Variants in ACTR3 observed in about 807,000 individuals in gnomAD.
ACTR3 encodes the protein actin related protein 3, also known as actin-related protein 3.
In ACTR3, 12 loss-of-function variants were observed where a neutral mutation model predicts 56.8. The observed-to-expected ratio is 0.21, with a 90% CI of 0.14 to 0.34. The LOEUF is 0.34. Ranked by LOEUF, ACTR3 falls within the 10% of genes least tolerant of loss-of-function variation. ACTR3 has a pLI of 1.00. For missense variants in ACTR3, 282 were observed against 512.5 expected (o/e 0.55, Z 4.34); for synonymous variants, 162 against 167.4 (o/e 0.97, Z 0.25).
At chr2:113,903,451 C>T (rs1283852167) in intron 1 of ACTR3, among the ~76,000 whole-genome samples, 1 of 152,036 alleles carries the variant, frequency 6.6e-6, no homozygotes, top group African/African-American at 2.4e-5. Flanking sequence ...ACTGCAACCT[C>T]TGTCTCCCAG....
At chr2:113,925,224 CTT>C (rs1229593419) in intron 3 of ACTR3, among the ~76,000 whole-genome samples, 8 of 104,178 alleles carry the variant, frequency 7.7e-5, no homozygotes, top group African/African-American at 3.2e-4. Context: ...GAGACAGAGT[CTT>C]ACTCTATCGC....
Position 113,951,823 on chromosome 2 carries a change from A to G in ACTR3, c.1055A>G (p.Glu352Gly). ...GATGCCCGGCTGAAATTAAGTGAGG[A>G]ATTGAGTGGTGGTAGATTGAAGGTT... ...TVDARLKLSE[E>G]LSGGRLKPKP... The change falls in exon 10 of 12, where the codon GAA becomes GGA. Residue 352 changes from glutamate to glycine, a missense_variant. Transcript: ENST00000263238. 6.2e-7 allele frequency: 1 copy of G among 1,613,424 alleles called. No individual in the cohort carries two copies. The highest frequency in any genetic ancestry group is 2.2e-5 in the East Asian group (1 of 44,862).
At chr2:113,935,460 T>C (rs1431777501) in intron 6 of ACTR3, among the ~76,000 whole-genome samples, 2 of 152,222 alleles carry the variant, frequency 1.3e-5, no homozygotes, top group Non-Finnish European at 2.9e-5. Context: ...AGTTAAACAC[T>C]GTGGTCTTTT....
chr2:113,939,886 G>C, intron 6 of ACTR3, 73 bp from the exon 7 acceptor site: 1 of 1,399,444 alleles, frequency 7.1e-7, no homozygotes. Context: ...GGTCTTTATT[G>C]GTTCATATTT....
At chr2:113,891,295 A>G (rs564269584) in intron 1 of ACTR3, among the ~76,000 whole-genome samples, 2 of 152,336 alleles carry the variant, frequency 1.3e-5, no homozygotes, top group African/African-American at 4.8e-5. Context: ...TCTTGAAGGA[A>G]GCAGGAAGGT....
At position 113,927,460 on chromosome 2, in the gene ACTR3, GT is replaced by G; in HGVS notation, c.336+7del. On this transcript the variant is annotated splice_donor_region_variant and intron_variant, in intron 4 of 11. Transcript: ENST00000263238. ...GAAGACCATTATTTTCTTTTGGTAA[GT>G]TACAAGTTATAATTTCACTGAGGAA... The G allele has an allele frequency of 1.9e-6, 3 of 1,567,106 alleles. No individual in the cohort carries two copies. The highest frequency in any genetic ancestry group is 2.6e-6 in the Non-Finnish European group (3 of 1,153,716).
At chr2:113,939,879 C>T in intron 6 of ACTR3, 80 bp from the exon 7 acceptor site, 1 of 1,319,000 alleles carries the variant, frequency 7.6e-7, no homozygotes, top group South Asian at 1.5e-5. Flanking sequence ...ATAAATTGGT[C>T]TTTATTGGTT....
At chr2:113,940,967 C>T (rs909391248) in intron 7 of ACTR3, among the ~76,000 whole-genome samples, 14 of 151,890 alleles carry the variant, frequency 9.2e-5, no homozygotes, top group Non-Finnish European at 2.1e-4. Flanking sequence ...ACTGCAGATG[C>T]ATATCACCAT....
intron 1 of ACTR3, among the ~76,000 whole-genome samples, chr2:113,906,481 TTC>T (rs1186846236): frequency 6.6e-6 from 1 of 152,166 alleles, no homozygotes; most frequent in Non-Finnish European, 1.5e-5. Flanking sequence ...GATGAAGTTT[TTC>T]TCTTTTTTTC....
chr2:113,955,773 C>T lies in ACTR3; in HGVS notation c.1161+67C>T, dbSNP rs574759590. On this transcript the variant is annotated intron_variant, in intron 11 of 11. Coordinates refer to ENST00000263238, the MANE Select transcript of ACTR3 (RefSeq NM_005721.5). ...TTATTTTATTTATTTTTGAGGTGGA[C>T]TTTCGCTCTTGTCACCCAGGCTGGA... 22 of 1,307,700 alleles carry T rather than the reference C, an allele frequency of 1.7e-5. No individual in the cohort carries two copies. In the African/African-American group the frequency reaches 2.1e-4, roughly 12 times the overall value. 81.0% of individuals were successfully genotyped at this position (1,307,700 alleles called of 1,614,324 possible). A position where few individuals can be genotyped will look rare whatever the true frequency, so the allele number is the denominator to read the frequency against.
chr2:113,911,729 A>G (rs1309766502), intron 1 of ACTR3, among the ~76,000 whole-genome samples: 1 of 151,304 alleles, frequency 6.6e-6, no homozygotes, highest in Non-Finnish European at 1.5e-5. Flanking sequence ...CCCCAAAGAT[A>G]TTGTTTATTT....
intron 1 of ACTR3, among the ~76,000 whole-genome samples, chr2:113,907,138 T>C (rs761694822): frequency 7.2e-5 from 11 of 152,210 alleles, no homozygotes; most frequent in Non-Finnish European, 1.3e-4. Flanking sequence ...TTAAACTTAT[T>C]TTTAAAGCTT....
chr2:113,957,424 G>A lies in ACTR3; in HGVS notation c.1226G>A (p.Arg409His). The A allele has an allele frequency of 1.2e-6, 2 of 1,613,174 alleles. No individual in the cohort carries two copies. The highest frequency in any genetic ancestry group is 1.7e-6 in the Non-Finnish European group (2 of 1,179,460). The stretch of plus-strand genomic sequence containing the variant: ...GAAGAAATTGGACCTAGCATTTGTC[G>A]TCACAATCCAGTGTTTGGAGTCATG... ...DYEEIGPSIC[R>H]HNPVFGVMS The change falls in exon 12 of 12, where the codon CGT becomes CAT. Residue 409 changes from arginine to histidine, a missense_variant. Coordinates refer to ENST00000263238, the MANE Select transcript of ACTR3 (RefSeq NM_005721.5).
intron 1 of ACTR3, among the ~76,000 whole-genome samples, chr2:113,912,780 A>G (rs1030748777): frequency 6.6e-6 from 1 of 152,218 alleles, no homozygotes; most frequent in African/African-American, 2.4e-5. Context: ...TCACTATACT[A>G]AGAGCTTCCT....
intron 7 of ACTR3, among the ~76,000 whole-genome samples, chr2:113,941,505 T>G (rs1299612230): frequency 6.6e-6 from 1 of 152,178 alleles, no homozygotes; most frequent in Non-Finnish European, 1.5e-5. Flanking sequence ...TGCATCTATC[T>G]TGGATGGTGC....
In ACTR3 at chr2:113,942,318, T is replaced by C. The variant is rs1340585554; in HGVS notation, c.817T>C (p.Tyr273His). Residue 273 changes from tyrosine (Y) to histidine (H), a missense_variant, in exon 8 of 12, where the codon TAT (tyrosine) becomes CAT (histidine). Coordinates refer to ENST00000263238, the MANE Select transcript of ACTR3 (RefSeq NM_005721.5). Reference sequence around the variant, plus strand: ...GAAAGAGTTTTCTATCGATGTTGGTTATGAGAGATTTTTGGGACCTGAAAT... The same window carrying C: ...GAAAGAGTTTTCTATCGATGTTGGTCATGAGAGATTTTTGGGACCTGAAAT... ...SKKEFSIDVG[Y>H]ERFLGPEIFF... is the part of the protein sequence containing the mutation. 4 of 1,591,250 alleles carry C rather than the reference T, an allele frequency of 2.5e-6. No homozygotes were observed. The highest frequency in any genetic ancestry group is 3.4e-6 in the Non-Finnish European group (4 of 1,172,566).
At chr2:113,905,723 A>G (rs1420319024) in intron 1 of ACTR3, among the ~76,000 whole-genome samples, 1 of 152,160 alleles carries the variant, frequency 6.6e-6, no homozygotes, top group African/African-American at 2.4e-5. Flanking sequence ...TGACTTTTCT[A>G]GGTACCTTCT....
In ACTR3 at chr2:113,955,839, C is replaced by G. The variant is rs1443441052; in HGVS notation, c.1161+133C>G. On this transcript the variant is annotated intron_variant, in intron 11 of 11. Coordinates refer to ENST00000263238, the MANE Select transcript of ACTR3 (RefSeq NM_005721.5). ...CTTGGCTCACTGCAACCTCCACCTCCTGGGTTAAAGTGATTCTCCTGCCTC... is the reference window on the plus strand; with the variant it reads ...CTTGGCTCACTGCAACCTCCACCTCGTGGGTTAAAGTGATTCTCCTGCCTC... 5.0e-6 allele frequency: 3 copies of G among 605,704 alleles called. No individual in the cohort carries two copies. The East Asian group carries it at 1.0e-4, about 20-fold the overall frequency. The allele number at this position is 605,704 out of a possible 1,614,324, so 37.5% of individuals were successfully genotyped here.
At chr2:113,917,614 C>A (rs959046373) in intron 3 of ACTR3, among the ~76,000 whole-genome samples, 7 of 152,116 alleles carry the variant, frequency 4.6e-5, no homozygotes, top group African/African-American at 1.7e-4. Context: ...CTATTCTGAC[C>A]TTTATCATCT....
Sources: gnomAD v4.1 joint callset for allele counts (sites outside exome capture counted in the v4.1 genomes callset) on GRCh38, gnomAD v4.1.1 for gene constraint, MANE v1.5 for transcripts, NCBI Gene and HGNC (gene_info 2026-07-23, HGNC 2026-07-21) for gene names.